Variants in REPS2 observed in about 807,000 individuals in gnomAD.
The protein encoded by REPS2 is ralBP1-associated Eps domain-containing protein 2.
In REPS2, 23 loss-of-function variants were observed where a neutral mutation model predicts 53.6. The observed-to-expected ratio is 0.43, with a 90% CI of 0.31 to 0.61. The LOEUF is 0.61. REPS2 is among the 20% of genes least tolerant of loss of function. REPS2 has a pLI of 0.11. For synonymous variants in REPS2, 238 were observed against 218.6 expected, an observed-to-expected ratio of 1.09 and a Z score of -0.78; for missense variants, 446 against 534.9, an observed-to-expected ratio of 0.83 and a Z score of 1.64.
chrX:17,033,384 G>A (rs2061730683), intron 5 of REPS2, among the ~76,000 whole-genome samples: 1 of 111,579 alleles, frequency 9.0e-6, no homozygotes, highest in Admixed American at 9.5e-5. Context: ...TTAGATGTGT[G>A]GATGCTCATG....
intron 1 of REPS2, among the ~76,000 whole-genome samples, chrX:16,984,828 T>C (rs1288980427): frequency 9.1e-6 from 1 of 109,853 alleles, no homozygotes; most frequent in African/African-American, 3.3e-5. Context: ...TCCTGGAAAA[T>C]CTCCTTGTAC....
At chrX:17,047,761 G>A (rs927676786) in intron 6 of REPS2, among the ~76,000 whole-genome samples, 1 of 112,930 alleles carries the variant, frequency 8.9e-6, no homozygotes, top group African/African-American at 3.2e-5. Flanking sequence ...ATGCTAGCGT[G>A]TCGCCCCAAG....
intron 1 of REPS2, among the ~76,000 whole-genome samples, chrX:16,965,938 T>C (rs1430318319): frequency 8.9e-6 from 1 of 112,022 alleles, no homozygotes. Context: ...CGAATCCCCA[T>C]CTCCACCAAA....
chrX:16,956,284 GTTTTTTTTTTTTTTTTTTTT>G (rs869259012), intron 1 of REPS2, among the ~76,000 whole-genome samples: 1 of 24,747 alleles, frequency 4.0e-5, no homozygotes, highest in Non-Finnish European at 6.2e-5. Context: ...AACCACAGCA[GTTTTTTTTTTTTTTTTTTTT>G]TTTTTTTTTT....
chrX:17,093,922 G>T (rs1215474587), intron 13 of REPS2, among the ~76,000 whole-genome samples: 3 of 111,723 alleles, frequency 2.7e-5, no homozygotes, highest in Non-Finnish European at 3.8e-5. Context: ...CACCTCAGGT[G>T]TTCTGTCAGT....
At chrX:17,050,753 G>T (rs1158918437) in intron 6 of REPS2, among the ~76,000 whole-genome samples, 1 of 110,537 alleles carries the variant, frequency 9.0e-6, no homozygotes, top group East Asian at 2.8e-4. Context: ...ATATATTTAT[G>T]GGGTATGTGA....
intron 1 of REPS2, among the ~76,000 whole-genome samples, chrX:16,996,660 C>T (rs1156801092): frequency 8.9e-6 from 1 of 112,312 alleles, no homozygotes; most frequent in Admixed American, 9.4e-5. Flanking sequence ...GAGTTTAGCT[C>T]TGTGCTAGAG....
intron 1 of REPS2, among the ~76,000 whole-genome samples, chrX:16,991,253 G>A (rs1182481694): frequency 9.0e-6 from 1 of 111,303 alleles, no homozygotes; most frequent in Non-Finnish European, 1.9e-5. Context: ...TTTCCCAAGC[G>A]ATTCATCTCT....
chrX:17,077,399 G>T lies in REPS2; in HGVS notation c.1508G>T (p.Ser503Ile). Residue 503 changes from serine to isoleucine, a missense_variant, in exon 13 of 18, where the codon AGT (serine) becomes ATT (isoleucine). Transcript: ENST00000357277. ...SLDLNKVFQP[S>I]VPATKSGLLP... ...GATCTGAATAAAGTCTTCCAGCCCA[G>T]TGTGCCAGGTGAAGTGCCCCTTGCC... The T allele has an allele frequency of 8.3e-7, 1 of 1,198,768 alleles. No individual in the cohort carries two copies. The highest frequency in any genetic ancestry group is 1.1e-6 in the Non-Finnish European group (1 of 889,845).
At chrX:16,973,265 G>T (rs2060916457) in intron 1 of REPS2, among the ~76,000 whole-genome samples, 2 of 111,801 alleles carry the variant, frequency 1.8e-5, no homozygotes, top group African/African-American at 6.5e-5. Context: ...ATTGCTGTCT[G>T]CAGGGTTTCT....
chrX:16,986,307 A>G (rs757553502), intron 1 of REPS2, among the ~76,000 whole-genome samples: 22 of 111,814 alleles, frequency 2.0e-4, no homozygotes, highest in African/African-American at 7.1e-4. Context: ...AATCCTCTGC[A>G]TGGCTTTGGT....
the REPS2 span, among the ~76,000 whole-genome samples, chrX:17,179,970 C>T: frequency 1.8e-5 from 2 of 111,895 alleles, no homozygotes; most frequent in Non-Finnish European, 3.8e-5. Flanking sequence ...TAGAAAAACA[C>T]GTTGCAGAGT....
At position 16,946,741 on chromosome X, in the gene REPS2, C is replaced by CGGCGGCGGTGGT. The variant is rs1164210740; in HGVS notation, c.-112_-101dup. 16 of 702,995 alleles carry CGGCGGCGGTGGT rather than the reference C, an allele frequency of 2.3e-5. No homozygotes were observed. The highest frequency in any genetic ancestry group is 9.1e-5 in the Admixed American group (1 of 10,973). The allele number at this position is 702,995 out of a possible 1,213,427, so 57.9% of individuals were successfully genotyped here. A position where few individuals can be genotyped will look rare whatever the true frequency, so the allele number is the denominator to read the frequency against. On this transcript the variant is annotated 5_prime_UTR_variant, in exon 1 of 18. Coordinates refer to ENST00000357277, the MANE Select transcript of REPS2 (RefSeq NM_004726.3). ...CTGCGGGGCGTGGGGGTGGTGGTGG[C>CGGCGGCGGTGGT]GGCGGCGGTGGTGGCGGCGGCGGCG...
chrX:17,072,472 C>G (rs1473043560), intron 11 of REPS2, among the ~76,000 whole-genome samples: 3 of 111,495 alleles, frequency 2.7e-5, no homozygotes, highest in Admixed American at 9.5e-5. Flanking sequence ...CACCCTCACC[C>G]CATCTGTCTG....
intron 17 of REPS2, 62 bp from the exon 18 acceptor site, chrX:17,147,351 G>A (rs981429739): frequency 2.3e-6 from 2 of 885,731 alleles, no homozygotes; most frequent in Middle Eastern, 5.5e-4. Context: ...TGATGAAGTA[G>A]GGATGAATTC....
the REPS2 span, among the ~76,000 whole-genome samples, chrX:17,180,700 T>C: frequency 9.0e-6 from 1 of 110,693 alleles, no homozygotes; most frequent in Non-Finnish European, 1.9e-5. Context: ...AAGTAAAATG[T>C]TACAACACTT....
At chrX:16,949,942 T>C (rs760203471) in intron 1 of REPS2, among the ~76,000 whole-genome samples, 1 of 111,293 alleles carries the variant, frequency 9.0e-6, no homozygotes, top group East Asian at 2.8e-4. Context: ...ATTCTGTGGG[T>C]TTGGACAAAT....
At chrX:17,166,358 A>C in the REPS2 span, among the ~76,000 whole-genome samples, 1 of 112,073 alleles carries the variant, frequency 8.9e-6, no homozygotes, top group Admixed American at 9.5e-5. Context: ...CAAGAAGTGC[A>C]GTTGTTTCAT....
intron 1 of REPS2, 115 bp downstream of exon 1, chrX:16,947,249 TGAGA>T: frequency 1.1e-6 from 1 of 907,713 alleles, no homozygotes; most frequent in Non-Finnish European, 1.4e-6. Flanking sequence ...CGGCCAGTTC[TGAGA>T]GAGAGGACTC....
Sources: gnomAD v4.1 joint callset for allele counts (sites outside exome capture counted in the v4.1 genomes callset) on GRCh38, gnomAD v4.1.1 for gene constraint, MANE v1.5 for transcripts, NCBI Gene and HGNC (gene_info 2026-07-23, HGNC 2026-07-21) for gene names.